The following ASIC2 variants were observed in gnomAD, a reference collection of about 807,000 sequenced individuals.
The protein encoded by ASIC2 is acid sensing ion channel subunit 2.
ASIC2 carries 25 observed loss-of-function variants against 57.3 expected under a neutral mutation model. The observed-to-expected ratio is 0.44, with a 90% confidence interval of 0.32 to 0.61. The LOEUF (loss-of-function observed/expected upper bound fraction) is 0.61, where lower values mean the gene tolerates loss of function less well. Among genes scored for constraint, ASIC2 ranks in the 20% least tolerant of loss-of-function variants. The probability of loss-of-function intolerance (pLI) is 0.06; values close to 1 mark genes in which losing one functional copy is unlikely to be tolerated. For missense variants in ASIC2, 641 were observed against 738.1 expected, an observed-to-expected ratio of 0.87 and a Z score of 1.52; for synonymous variants, 319 against 307.5, an observed-to-expected ratio of 1.04 and a Z score of -0.39.
At chr17:34,138,643 C>T (rs1013686436) in intron 1 of ASIC2, among the ~76,000 whole-genome samples, 1 of 152,246 alleles carries the variant, frequency 6.6e-6, no homozygotes, top group Non-Finnish European at 1.5e-5. Context: ...TCTGCCCAGG[C>T]TCTGGACTAG....
intron 5 of ASIC2, among the ~76,000 whole-genome samples, chr17:33,025,683 T>C (rs1401406547): frequency 6.6e-6 from 1 of 151,800 alleles, no homozygotes; most frequent in Non-Finnish European, 1.5e-5. Flanking sequence ...CATATCTCTT[T>C]CTCTCCCCAG....
chr17:33,833,511 T>C (rs1913179547), intron 1 of ASIC2, among the ~76,000 whole-genome samples: 1 of 151,874 alleles, frequency 6.6e-6, no homozygotes, highest in African/African-American at 2.4e-5. Flanking sequence ...TGTGTGTATG[T>C]GCGTGTGTGT....
chr17:33,702,962 A>G (rs540191585), intron 1 of ASIC2, among the ~76,000 whole-genome samples: 2 of 152,336 alleles, frequency 1.3e-5, no homozygotes, highest in South Asian at 4.1e-4. Flanking sequence ...TTCCATGGAG[A>G]AAATAAACAG....
intron 1 of ASIC2, among the ~76,000 whole-genome samples, chr17:33,197,754 C>G (rs1301054639): frequency 6.6e-6 from 1 of 152,180 alleles, no homozygotes; most frequent in African/African-American, 2.4e-5. Context: ...GGTCAGGGAC[C>G]CCTCTCCCTG....
chr17:33,088,392 A>G (rs1412576144), intron 3 of ASIC2, among the ~76,000 whole-genome samples: 1 of 152,118 alleles, frequency 6.6e-6, no homozygotes, highest in Non-Finnish European at 1.5e-5. Flanking sequence ...GCGCTATATC[A>G]AAGAGAGCAG....
intron 1 of ASIC2, among the ~76,000 whole-genome samples, chr17:33,662,647 ATAAAT>A (rs1375839146): frequency 7.1e-6 from 1 of 141,180 alleles, no homozygotes; most frequent in African/African-American, 2.7e-5. Flanking sequence ...AAATAAATAA[ATAAAT>A]AAATAAATAA....
At chr17:33,669,230 C>A (rs957536542) in intron 1 of ASIC2, among the ~76,000 whole-genome samples, 10 of 152,194 alleles carry the variant, frequency 6.6e-5, no homozygotes, top group Admixed American at 5.9e-4. Flanking sequence ...TTCTAGAAAT[C>A]TACCCCAGGC....
chr17:33,647,222 G>T (rs146904748), intron 1 of ASIC2, among the ~76,000 whole-genome samples: 1 of 152,148 alleles, frequency 6.6e-6, no homozygotes, highest in East Asian at 1.9e-4. Context: ...GAAATAATCC[G>T]TTTTATAGAA....
intron 1 of ASIC2, among the ~76,000 whole-genome samples, chr17:33,905,942 T>A (rs1359527958): frequency 6.6e-6 from 1 of 152,076 alleles, no homozygotes; most frequent in Non-Finnish European, 1.5e-5. Flanking sequence ...CTCAGCCTTC[T>A]GAGTAGTTGG....
chr17:34,137,960 C>A (rs949309329), intron 1 of ASIC2, among the ~76,000 whole-genome samples: 9 of 152,192 alleles, frequency 5.9e-5, no homozygotes, highest in Admixed American at 2.0e-4. Context: ...TAGTGGGGGA[C>A]CCAAACATTT....
chr17:33,911,171 G>A (rs1915454498), intron 1 of ASIC2, among the ~76,000 whole-genome samples: 1 of 152,188 alleles, frequency 6.6e-6, no homozygotes, highest in South Asian at 2.1e-4. Flanking sequence ...AAAGAATGAT[G>A]TTTTTTCTTT....
intron 3 of ASIC2, among the ~76,000 whole-genome samples, chr17:33,072,995 T>C (rs1340314883): frequency 6.6e-6 from 1 of 152,236 alleles, no homozygotes; most frequent in East Asian, 1.9e-4. Flanking sequence ...TGTATTTTTC[T>C]GACCATTGCC....
intron 1 of ASIC2, among the ~76,000 whole-genome samples, chr17:33,953,063 T>C (rs1904628505): frequency 6.6e-6 from 1 of 152,228 alleles, no homozygotes; most frequent in Admixed American, 6.5e-5. Flanking sequence ...TTCTAACCTT[T>C]ATTTATGACA....
At chr17:33,237,568 T>C (rs1269032573) in intron 1 of ASIC2, among the ~76,000 whole-genome samples, 1 of 152,126 alleles carries the variant, frequency 6.6e-6, no homozygotes, top group African/African-American at 2.4e-5. Context: ...CAGGCTGGTC[T>C]CGAACTCCCG....
At chr17:33,770,634 C>G (rs1406010488) in intron 1 of ASIC2, among the ~76,000 whole-genome samples, 1 of 152,172 alleles carries the variant, frequency 6.6e-6, no homozygotes, top group Non-Finnish European at 1.5e-5. Context: ...AGCCAGCTGC[C>G]TCTTGAACAG....
chr17:33,434,515 GACA>G (rs1911536967), intron 1 of ASIC2, among the ~76,000 whole-genome samples: 1 of 152,158 alleles, frequency 6.6e-6, no homozygotes, highest in Non-Finnish European at 1.5e-5. Flanking sequence ...CAGACTTTTT[GACA>G]ACAATGCTTT....
intron 1 of ASIC2, among the ~76,000 whole-genome samples, chr17:33,465,974 C>CA (rs1912851994): frequency 6.6e-6 from 1 of 152,192 alleles, no homozygotes; most frequent in South Asian, 2.1e-4. Flanking sequence ...AGAGTGTAGT[C>CA]AGACTTAGAA....
At chr17:33,139,593 C>G (rs2092379330) in intron 1 of ASIC2, among the ~76,000 whole-genome samples, 1 of 152,202 alleles carries the variant, frequency 6.6e-6, no homozygotes, top group South Asian at 2.1e-4. Context: ...TGGGGTTCCC[C>G]TGGCTCTCAG....
At chr17:33,172,961 G>A (rs1486234517) in intron 1 of ASIC2, among the ~76,000 whole-genome samples, 1 of 147,836 alleles carries the variant, frequency 6.8e-6, no homozygotes, top group African/African-American at 2.4e-5. Flanking sequence ...CTGCTCCTGT[G>A]CCTGGCTGTG....
Sources: allele counts gnomAD v4.1 joint callset (sites outside exome capture counted in the v4.1 genomes callset), GRCh38; gene constraint gnomAD v4.1.1; transcripts MANE v1.5; gene names NCBI Gene and HGNC (gene_info 2026-07-23, HGNC 2026-07-21).